Variants in RUVBL1 observed in about 807,000 individuals in gnomAD.
The protein encoded by RUVBL1 is RuvB like AAA ATPase 1, also known as ruvB-like 1.
In RUVBL1, 4 loss-of-function variants were observed where a neutral mutation model predicts 52.4. The observed-to-expected ratio is 0.08, with a 90% CI of 0.04 to 0.17. RUVBL1 has a LOEUF of 0.17. Ranked by LOEUF, RUVBL1 falls within the 10% of genes least tolerant of loss-of-function variation. The pLI is 1.00. For missense variants in RUVBL1, 298 were observed against 572.8 expected (o/e 0.52, Z 4.90); for synonymous variants, 217 against 214.4 (o/e 1.01, Z -0.10).
chr3:128,142,106 T>C (rs1184505202), intron 1 of RUVBL1: 1 of 152,318 alleles, frequency 6.6e-6, no homozygotes, highest in East Asian at 1.9e-4. Flanking sequence ...CCTCCCACCA[T>C]AAAGTCCTCT....
upstream of RUVBL1, among the ~76,000 whole-genome samples, chr3:128,126,612 C>T (rs1943797209): frequency 6.6e-6 from 1 of 152,106 alleles, no homozygotes; most frequent in African/African-American, 2.4e-5. Flanking sequence ...AACTGAGGCC[C>T]CAGGAAGGGA....
In RUVBL1 at chr3:128,130,615, T is replaced by A. The variant is rs547990812; in HGVS notation, c.-39-11201A>T. On this transcript the variant is annotated intron_variant, in intron 1 of 9. Transcript: ENST00000464873. ...CTCTACAAAAAAAAAAAAAAAAAAA[T>A]TTTATTTATTTATGTATTTATTTAT... Among the ~76,000 whole-genome samples, 106 of 91,306 alleles carry A rather than the reference T, an allele frequency of 1.2e-3. 1 individual carries two copies. In the South Asian group the frequency reaches 0.021, roughly 18 times the overall value. 59.9% of individuals were successfully genotyped at this position (91,306 alleles called of 152,430 possible). A position where few individuals can be genotyped will look rare whatever the true frequency, so the allele number is the denominator to read the frequency against.
intron 9 of RUVBL1, chr3:128,069,381 G>A: frequency 2.6e-6 from 3 of 1,144,946 alleles, no homozygotes; most frequent in Non-Finnish European, 3.8e-6. Flanking sequence ...GGCCTTTGAG[G>A]CATTAGGTCC....
At chr3:128,137,189 T>TA (rs1943960636) in intron 1 of RUVBL1, among the ~76,000 whole-genome samples, 1 of 151,470 alleles carries the variant, frequency 6.6e-6, no homozygotes. Flanking sequence ...CTAAAATTAG[T>TA]AAAAGAAAAG....
chr3:128,068,081 C>G (rs745478882), intron 9 of RUVBL1: 1 of 1,598,462 alleles, frequency 6.3e-7, no homozygotes, highest in Non-Finnish European at 8.6e-7. Context: ...CCCCAGGTCC[C>G]CAACCTCCCG....
intron 1 of RUVBL1, among the ~76,000 whole-genome samples, chr3:128,140,516 G>C (rs1944007260): frequency 6.6e-6 from 1 of 152,070 alleles, no homozygotes; most frequent in Non-Finnish European, 1.5e-5. Flanking sequence ...TGATTTTGCT[G>C]ACACCTTATA....
intron 3 of RUVBL1, among the ~76,000 whole-genome samples, chr3:128,105,527 CT>C: frequency 6.6e-6 from 1 of 152,084 alleles, no homozygotes; most frequent in Middle Eastern, 3.2e-3. Context: ...TGAAATTTAC[CT>C]TTAGCCTTTA....
chr3:128,134,514 T>C (rs562938847), intron 1 of RUVBL1, among the ~76,000 whole-genome samples: 1 of 144,090 alleles, frequency 6.9e-6, no homozygotes, highest in Admixed American at 7.0e-5. Flanking sequence ...TGGCCAGGCA[T>C]GGTGGCTCAT....
At chr3:128,103,219 C>T (rs1205634060) in intron 4 of RUVBL1, among the ~76,000 whole-genome samples, 8 of 152,146 alleles carry the variant, frequency 5.3e-5, no homozygotes, top group African/African-American at 9.7e-5. Context: ...TTAAACTGTA[C>T]GCCTTATTTT....
intron 7 of RUVBL1, 124 bp from the exon 8 acceptor site, chr3:128,097,622 G>T: frequency 1.3e-6 from 1 of 787,732 alleles, no homozygotes; most frequent in Non-Finnish European, 2.1e-6. Flanking sequence ...CTAGCTATGT[G>T]ATCCCAGACA....
At chr3:128,128,010 AC>A (rs1295525202), upstream of RUVBL1, among the ~76,000 whole-genome samples, 50 of 51,558 alleles carry the variant, frequency 9.7e-4, no homozygotes, top group African/African-American at 2.4e-3. Context: ...AATAATAAAT[AC>A]ATACATACAT....
Position 128,123,776 on chromosome 3 carries a change from G to T in RUVBL1, c.-52C>A. The stretch of plus-strand genomic sequence containing the variant: ...GCGTGGAAAACCAGCAGCTAGGACA[G>T]TGCGCCCGGCGCCTGAGTTACCATG... On this transcript the variant is annotated 5_prime_UTR_variant, in exon 1 of 11. The change creates a new upstream start codon in the 5' untranslated region. Coordinates refer to ENST00000322623, the MANE Select transcript of RUVBL1 (RefSeq NM_003707.3). The T allele has an allele frequency of 6.5e-7, 1 of 1,535,430 alleles. No individual in the cohort carries two copies. The highest frequency in any genetic ancestry group is 1.2e-5 in the South Asian group (1 of 84,936).
chr3:128,075,092 G>A (rs942356249), intron 9 of RUVBL1: 1 of 152,146 alleles, frequency 6.6e-6, no homozygotes, highest in African/African-American at 2.4e-5. Context: ...ACTATTCCTG[G>A]AGGTACTGCA....
chr3:128,150,913 C>CTATATATTCTA (rs1264920870), intron 1 of RUVBL1, among the ~76,000 whole-genome samples: 2 of 62,024 alleles, frequency 3.2e-5, no homozygotes, highest in African/African-American at 1.5e-4. Context: ...ATATAATATT[C>CTATATATTCTA]TATATTATAT....
intron 2 of RUVBL1, among the ~76,000 whole-genome samples, chr3:128,116,066 G>A (rs1037738041): frequency 6.6e-6 from 1 of 152,086 alleles, no homozygotes; most frequent in African/African-American, 2.4e-5. Context: ...GGTAGAGACT[G>A]CAGTGAGCCG....
chr3:128,107,441 C>T (rs1049680340), intron 3 of RUVBL1, among the ~76,000 whole-genome samples: 4 of 152,236 alleles, frequency 2.6e-5, no homozygotes, highest in South Asian at 2.1e-4. Context: ...AAGCTACCTC[C>T]GTTCTGATAT....
chr3:128,150,751 TTC>T lies in RUVBL1; in HGVS notation c.-40+2450_-40+2451del, dbSNP rs1441928660. On this transcript the variant is annotated intron_variant, in intron 1 of 9. Coordinates refer to the RUVBL1 transcript ENST00000464873. Reference sequence around the variant, plus strand: ...TTCTATATATATTCTATATTATATATTCTCTATATATTCTATATATTATATAT... The same window carrying T: ...TTCTATATATATTCTATATTATATATTCTATATATTCTATATATTATATAT... 2.7e-4 allele frequency among the ~76,000 whole-genome samples: 31 copies of T among 113,922 alleles called. 1 individual carries two copies. The highest frequency in any genetic ancestry group is 3.9e-4 in the Non-Finnish European group (24 of 61,650). The allele number at this position is 113,922 out of a possible 152,430, so 74.7% of individuals were successfully genotyped here. A position where few individuals can be genotyped will look rare whatever the true frequency, so the allele number is the denominator to read the frequency against.
At chr3:128,135,519 C>T (rs1363198123) in intron 1 of RUVBL1, among the ~76,000 whole-genome samples, 1 of 152,280 alleles carries the variant, frequency 6.6e-6, no homozygotes, top group Admixed American at 6.5e-5. Flanking sequence ...GGCTACAGAG[C>T]AAGACTCCAT....
rs1222990206 is a variant in RUVBL1 at position 128,097,434 on chromosome 3, C to A, written c.882G>T (p.Leu294=). ...NKYIDQGIAE[L]VPGVLFVDEV... Reference sequence around the variant, plus strand: ...CATCAACAAACAGCACACCCGGGACCAGCTCAGCAATGCCCTGGTCGATGT... The same window carrying A: ...CATCAACAAACAGCACACCCGGGACAAGCTCAGCAATGCCCTGGTCGATGT... Residue 294 remains leucine, a synonymous_variant, in exon 8 of 11, where the codon CTG becomes CTT. Transcript: ENST00000322623. 3 of 1,614,190 alleles carry A rather than the reference C, an allele frequency of 1.9e-6. No individual in the cohort carries two copies. In the South Asian group the frequency reaches 3.3e-5, roughly 18 times the overall value.
Sources: gnomAD v4.1 joint callset for allele counts (sites outside exome capture counted in the v4.1 genomes callset) on GRCh38, gnomAD v4.1.1 for gene constraint, MANE v1.5 for transcripts, NCBI Gene and HGNC (gene_info 2026-07-23, HGNC 2026-07-21) for gene names.